Variants in CNTN5 observed in about 807,000 individuals in gnomAD.
The protein encoded by CNTN5 is contactin-5.
A neutral mutation model predicts 129.1 loss-of-function variants in CNTN5; 77 were observed. The observed-to-expected ratio is 0.60, with a 90% CI of 0.50 to 0.72. The LOEUF (loss-of-function observed/expected upper bound fraction) is 0.72, where lower values mean the gene tolerates loss of function less well. Ranked by LOEUF, CNTN5 falls within the 30% of genes least tolerant of loss-of-function variation. CNTN5 has a pLI of 0.00. For missense variants in CNTN5, 1,478 were observed against 1,328.8 expected (o/e 1.11, Z -1.75); for synonymous variants, 509 against 465.6 (o/e 1.09, Z -1.20).
At chr11:100,207,794 G>T (rs1204278469) in intron 15 of CNTN5, among the ~76,000 whole-genome samples, 1 of 152,150 alleles carries the variant, frequency 6.6e-6, no homozygotes, top group East Asian at 1.9e-4. Context: ...CCAACAGTCT[G>T]CTATGGTGTC....
intron 2 of CNTN5, among the ~76,000 whole-genome samples, chr11:99,353,919 C>G (rs774636834): frequency 6.6e-6 from 1 of 152,176 alleles, no homozygotes; most frequent in South Asian, 2.1e-4. Context: ...GTTTACCCCA[C>G]GTGAAGGCTG....
At chr11:99,247,144 T>A (rs1172563564) in intron 1 of CNTN5, among the ~76,000 whole-genome samples, 1 of 152,168 alleles carries the variant, frequency 6.6e-6, no homozygotes, top group Non-Finnish European at 1.5e-5. Context: ...CTTCTTGGGA[T>A]AATTTTCTGG....
chr11:99,123,671 T>C (rs1224173013), intron 1 of CNTN5, among the ~76,000 whole-genome samples: 1 of 140,346 alleles, frequency 7.1e-6, no homozygotes, highest in Non-Finnish European at 1.6e-5. Context: ...TTTTTTTTTA[T>C]AGTTTTAGGT....
chr11:99,809,161 G>A (rs1177432309), intron 3 of CNTN5, among the ~76,000 whole-genome samples: 6 of 152,072 alleles, frequency 3.9e-5, no homozygotes, highest in African/African-American at 1.4e-4. Flanking sequence ...GGAGAATGAT[G>A]TCAGACCCTC....
At chr11:99,360,470 C>T (rs1347574277) in intron 2 of CNTN5, among the ~76,000 whole-genome samples, 2 of 152,136 alleles carry the variant, frequency 1.3e-5, no homozygotes, top group Non-Finnish European at 2.9e-5. Context: ...GCAGCCATTT[C>T]TTATAATTCA....
At chr11:99,963,109 G>T (rs963061226) in intron 8 of CNTN5, among the ~76,000 whole-genome samples, 3 of 152,290 alleles carry the variant, frequency 2.0e-5, no homozygotes, top group African/African-American at 4.8e-5. Flanking sequence ...TCTGTAGGTT[G>T]CCTGTTCAAT....
intron 1 of CNTN5, among the ~76,000 whole-genome samples, chr11:99,245,236 A>G (rs1361849322): frequency 6.6e-6 from 1 of 152,218 alleles, no homozygotes; most frequent in Non-Finnish European, 1.5e-5. Flanking sequence ...AGTAAGTAAT[A>G]CCTGTAAACT....
At chr11:99,704,122 T>C (rs1360670689) in intron 3 of CNTN5, among the ~76,000 whole-genome samples, 1 of 150,668 alleles carries the variant, frequency 6.6e-6, no homozygotes, top group Non-Finnish European at 1.5e-5. Context: ...AATAAACTCA[T>C]ATGGTTTTCT....
intron 1 of CNTN5, among the ~76,000 whole-genome samples, chr11:99,292,337 A>T (rs754758607): frequency 1.3e-5 from 2 of 152,030 alleles, no homozygotes; most frequent in African/African-American, 2.4e-5. Context: ...ATGGTAGGTC[A>T]AAGTAATACT....
chr11:100,105,925 T>G (rs7937028), intron 13 of CNTN5, among the ~76,000 whole-genome samples: 1 of 152,142 alleles, frequency 6.6e-6, no homozygotes, highest in Non-Finnish European at 1.5e-5. Context: ...TCTCATAACA[T>G]TGGCCCCATT....
chr11:100,169,015 T>C (rs76901357), intron 13 of CNTN5, among the ~76,000 whole-genome samples: 4,549 of 151,984 alleles, frequency 0.03, 199 homozygotes, highest in African/African-American at 0.1. Context: ...AGTATTGGAA[T>C]TGGAGACTGA....
At chr11:99,999,147 T>C (rs1227180123) in intron 8 of CNTN5, among the ~76,000 whole-genome samples, 1 of 151,772 alleles carries the variant, frequency 6.6e-6, no homozygotes, top group Non-Finnish European at 1.5e-5. Flanking sequence ...AAAGCCAAAA[T>C]TGACAAATGG....
chr11:99,323,334 GT>G (rs1865648389), intron 1 of CNTN5, among the ~76,000 whole-genome samples: 1 of 152,108 alleles, frequency 6.6e-6, no homozygotes, highest in Non-Finnish European at 1.5e-5. Flanking sequence ...ACAAGCATGA[GT>G]TTATTCCAGA....
At chr11:99,169,825 A>T (rs1245884401) in intron 1 of CNTN5, among the ~76,000 whole-genome samples, 1 of 152,232 alleles carries the variant, frequency 6.6e-6, no homozygotes, top group Non-Finnish European at 1.5e-5. Context: ...AATGTATAAA[A>T]CTAGGGATAA....
At chr11:100,257,843 C>CA (rs1565377814) in intron 17 of CNTN5, among the ~76,000 whole-genome samples, 2 of 152,106 alleles carry the variant, frequency 1.3e-5, no homozygotes. Context: ...AAAAACAGCA[C>CA]AAAAAGGCTG....
At chr11:100,275,460 G>A (rs747296701) in intron 18 of CNTN5, among the ~76,000 whole-genome samples, 5 of 152,198 alleles carry the variant, frequency 3.3e-5, no homozygotes, top group Non-Finnish European at 5.9e-5. Context: ...CAAAGGCAAA[G>A]ATTACTGACT....
intron 13 of CNTN5, among the ~76,000 whole-genome samples, chr11:100,114,167 A>G (rs1945762883): frequency 6.6e-6 from 1 of 152,122 alleles, no homozygotes; most frequent in East Asian, 1.9e-4. Flanking sequence ...GTTCCACTGT[A>G]TGAGATCAAA....
chr11:99,385,258 C>T (rs1218176177), intron 2 of CNTN5, among the ~76,000 whole-genome samples: 1 of 152,084 alleles, frequency 6.6e-6, no homozygotes, highest in Non-Finnish European at 1.5e-5. Context: ...CTCTATCTAA[C>T]TGAAACCTTG....
intron 2 of CNTN5, among the ~76,000 whole-genome samples, chr11:99,540,575 G>A (rs1414685908): frequency 6.6e-6 from 1 of 152,024 alleles, no homozygotes; most frequent in Non-Finnish European, 1.5e-5. Flanking sequence ...CAGAGGTCAA[G>A]AAAAAATTTT....
Sources: gnomAD v4.1 joint callset for allele counts (sites outside exome capture counted in the v4.1 genomes callset) on GRCh38, gnomAD v4.1.1 for gene constraint, MANE v1.5 for transcripts, NCBI Gene and HGNC (gene_info 2026-07-23, HGNC 2026-07-21) for gene names.